Variants in CPM observed in about 807,000 individuals in gnomAD.
The protein encoded by CPM is renal carboxypeptidase.
A neutral mutation model predicts 46.4 loss-of-function variants in CPM; 35 were observed. The observed-to-expected ratio is 0.75, with a 90% CI of 0.58 to 1.00. The LOEUF (loss-of-function observed/expected upper bound fraction) is 1.00, where lower values mean the gene tolerates loss of function less well. Among genes scored for constraint, CPM ranks in the 50% least tolerant of loss-of-function variants. CPM has a pLI of 0.00. For synonymous variants in CPM, 195 were observed against 195.3 expected (o/e 1.00, Z 0.01); for missense variants, 422 against 530.4 (o/e 0.80, Z 2.01).
downstream of CPM, chr12:68,847,528 A>C (rs1469830396): frequency 1.6e-5 from 2 of 128,702 alleles, no homozygotes; most frequent in African/African-American, 6.4e-5. Flanking sequence ...ATCTCGGCTC[A>C]CTGCAAGCTC....
In CPM at chr12:68,941,781, C is replaced by G. The variant is rs542267944; in HGVS notation, c.-3-8941G>C. Among the ~76,000 whole-genome samples, 128 of 152,300 alleles carry G rather than the reference C, an allele frequency of 8.4e-4. 1 individual carries two copies. Among genetic ancestry groups the G allele is most frequent in the African/African-American group, 3.0e-3 (124 of 41,568 alleles). On this transcript the variant is annotated intron_variant, in intron 1 of 8. Transcript: ENST00000546373. Reference sequence around the variant, plus strand: ...AAGCTGGGATCTCCTGGTACCTCCCCCAGTACTAAACCTACCTCCTTCAAA... The same window carrying G: ...AAGCTGGGATCTCCTGGTACCTCCCGCAGTACTAAACCTACCTCCTTCAAA...
intron 2 of CPM, among the ~76,000 whole-genome samples, chr12:68,898,558 C>T (rs1314911002): frequency 1.3e-5 from 2 of 152,186 alleles, no homozygotes; most frequent in Non-Finnish European, 1.5e-5. Context: ...CTACTTCTCA[C>T]TAGTATCACT....
chr12:68,855,737 G>GTTTGT lies in CPM; in HGVS notation c.*699_*700insACAAA, dbSNP rs1336573913. On this transcript the variant is annotated 3_prime_UTR_variant, in exon 9 of 9. Coordinates refer to ENST00000551568, the MANE Select transcript of CPM (RefSeq NM_198320.5). Reference sequence around the variant, plus strand: ...GGTGAGGTGTTTTTTTTGTTTGTTTGTTTTTGTTTTTTTTTTTTTGAGACA... The same window carrying GTTTGT: ...GGTGAGGTGTTTTTTTTGTTTGTTTGTTTGTTTTTTGTTTTTTTTTTTTTGAGACA... The GTTTGT allele has an allele frequency of 8.4e-5, 12 of 142,050 alleles. No individual in the cohort carries two copies. Among genetic ancestry groups the GTTTGT allele is most frequent in the African/African-American group, 3.5e-4 (12 of 33,928 alleles). 8.8% of individuals were successfully genotyped at this position (142,050 alleles called of 1,614,324 possible). A position where few individuals can be genotyped will look rare whatever the true frequency, so the allele number is the denominator to read the frequency against.
intron 2 of CPM, among the ~76,000 whole-genome samples, chr12:68,929,024 A>G (rs1350131182): frequency 6.6e-6 from 1 of 152,006 alleles, no homozygotes; most frequent in African/African-American, 2.4e-5. Flanking sequence ...AGATTCTTAA[A>G]ATAGATGGTA....
rs1377838311 is a variant in CPM at position 68,932,682 on chromosome 12, C to G, written c.156G>C (p.Val52=). ...TGTTCACGAGACGGACCCTACCTTT[C>G]ACAGATTTCCCAATACTGTGTAAGT... ...VTHLHSIGKS[V]KGRNLWVLVV... is the part of the protein sequence containing the mutation. The change falls in exon 2 of 9, where the codon GTG becomes GTC. Residue 52 remains valine (V), a synonymous_variant. Transcript: ENST00000551568. 3.1e-6 allele frequency: 5 copies of G among 1,614,012 alleles called. No homozygotes were observed. Among genetic ancestry groups the G allele is most frequent in the Non-Finnish European group, 4.2e-6 (5 of 1,179,898 alleles).
At chr12:68,875,832 T>G (rs576051688) in intron 3 of CPM, among the ~76,000 whole-genome samples, 1 of 151,434 alleles carries the variant, frequency 6.6e-6, no homozygotes, top group East Asian at 1.9e-4. Flanking sequence ...AAGACAAATG[T>G]GATAATCAAT....
intron 7 of CPM, among the ~76,000 whole-genome samples, chr12:68,861,819 C>T (rs959438813): frequency 1.0e-4 from 15 of 149,706 alleles, no homozygotes; most frequent in Admixed American, 6.1e-4. Flanking sequence ...TGAGCCATCG[C>T]GCCCGGCTAA....
chr12:68,933,380 G>T (rs1888600484), upstream of CPM, among the ~76,000 whole-genome samples: 2 of 152,092 alleles, frequency 1.3e-5, no homozygotes, highest in African/African-American at 4.8e-5. Flanking sequence ...GGGCGGCTGA[G>T]CTGGGCGGAG....
In CPM at chr12:68,870,395, T is replaced by C. The variant is rs1276252170; in HGVS notation, c.436A>G (p.Asn146Asp). ...PDCYYSIGRE[N>D]YNQYDLNRNF... ...CGATTCAAGTCATACTGGTTATAATTTTCCCTTTAAAAGAAAGAATATTTT... is the reference window on the plus strand; with the variant it reads ...CGATTCAAGTCATACTGGTTATAATCTTCCCTTTAAAAGAAAGAATATTTT... Residue 146 changes from asparagine to aspartate, a missense_variant, in exon 5 of 9, where the codon AAT becomes GAT. Transcript: ENST00000551568. 14 of 1,613,434 alleles carry C rather than the reference T, an allele frequency of 8.7e-6. No individual in the cohort carries two copies. The highest frequency in any genetic ancestry group is 4.5e-5 in the East Asian group (2 of 44,880).
chr12:68,858,763 C>T (rs1327567914), intron 8 of CPM, among the ~76,000 whole-genome samples, 160 bp downstream of exon 8: 1 of 149,504 alleles, frequency 6.7e-6, no homozygotes, highest in African/African-American at 2.5e-5. Flanking sequence ...ATTTCCACCT[C>T]TTCCACCTCC....
chr12:68,869,344 G>A lies in CPM; in HGVS notation c.768C>T (p.Tyr256=). The A allele has an allele frequency of 6.2e-7, 1 of 1,613,582 alleles. No homozygotes were observed. The highest frequency in any genetic ancestry group is 8.5e-7 in the Non-Finnish European group (1 of 1,179,854). The change falls in exon 6 of 9, where the codon TAC becomes TAT. Residue 256 remains tyrosine (Y), a synonymous_variant. Coordinates refer to ENST00000551568, the MANE Select transcript of CPM (RefSeq NM_198320.5). ...ACTCACCTTGGAGTGGATACCAAGA[G>A]TATCCATTTGTAACACCATTAGGAA... ...MNFPNGVTNG[Y]SWYPLQGGMQ... is the part of the protein sequence containing the mutation.
rs191360225 is a variant in CPM, at chr12:68,881,519, A to C, written c.258+4273T>G. On this transcript the variant is annotated intron_variant, in intron 3 of 8. Transcript: ENST00000551568. Reference sequence around the variant, plus strand: ...TGGGGGATAAGATAAAGATAGGATAAAGATTTATTGGTACAAAAAGGTAGC... The same window carrying C: ...TGGGGGATAAGATAAAGATAGGATACAGATTTATTGGTACAAAAAGGTAGC... Among the ~76,000 whole-genome samples the C allele has an allele frequency of 2.5e-3, 382 of 152,316 alleles. 4 individuals are homozygous for C. The highest frequency in any genetic ancestry group is 8.8e-3 in the African/African-American group (365 of 41,568).
intron 1 of CPM, among the ~76,000 whole-genome samples, chr12:68,953,768 T>C (rs1374618943): frequency 6.6e-6 from 1 of 152,228 alleles, no homozygotes; most frequent in African/African-American, 2.4e-5. Context: ...ATCTGCTCAA[T>C]AAAAATATTC....
chr12:68,865,935 G>T (rs184767770), intron 7 of CPM, among the ~76,000 whole-genome samples: 1 of 152,140 alleles, frequency 6.6e-6, no homozygotes, highest in African/African-American at 2.4e-5. Flanking sequence ...CCGGGTTGGG[G>T]CCTGGCAATC....
intron 3 of CPM, among the ~76,000 whole-genome samples, chr12:68,884,971 T>C (rs758213456): frequency 8.6e-5 from 13 of 151,976 alleles, no homozygotes; most frequent in Non-Finnish European, 1.9e-4. Context: ...TTAGATGGAG[T>C]CTCACTGTGT....
At chr12:68,864,740 G>A (rs980656668) in intron 7 of CPM, among the ~76,000 whole-genome samples, 5 of 152,186 alleles carry the variant, frequency 3.3e-5, no homozygotes, top group Non-Finnish European at 7.3e-5. Flanking sequence ...AGCCAGTCAC[G>A]GTGGCTCACA....
rs566373856 is a variant in CPM, at chr12:68,842,490, C to T, written c.534-161G>A. ...ACTTATTTTTTATATAAGGTCACTCCGATGAAAGGTGATTACAAAATCATC... is the reference window on the plus strand; with the variant it reads ...ACTTATTTTTTATATAAGGTCACTCTGATGAAAGGTGATTACAAAATCATC... On this transcript the variant is annotated intron_variant, in intron 5 of 5. Coordinates refer to the CPM transcript ENST00000551897. The T allele has an allele frequency of 1.0e-3, 386 of 386,530 alleles. 4 individuals carry two copies. Among genetic ancestry groups the T allele is most frequent in the South Asian group, 7.8e-3 (359 of 45,936 alleles). 23.9% of individuals were successfully genotyped at this position (386,530 alleles called of 1,614,324 possible).
chr12:68,933,623 G>C (rs886456966), upstream of CPM, among the ~76,000 whole-genome samples: 4 of 152,062 alleles, frequency 2.6e-5, no homozygotes, highest in Admixed American at 1.3e-4. Context: ...AGTCCTGAGT[G>C]CCCTGAGCCC....
At chr12:68,945,719 C>CAG (rs1888835146) in intron 1 of CPM, among the ~76,000 whole-genome samples, 2 of 152,072 alleles carry the variant, frequency 1.3e-5, no homozygotes, top group South Asian at 4.1e-4. Flanking sequence ...GGAGTCCTTG[C>CAG]AGAACTGATC....
Sources: gnomAD v4.1 joint callset for allele counts (sites outside exome capture counted in the v4.1 genomes callset) on GRCh38, gnomAD v4.1.1 for gene constraint, MANE v1.5 for transcripts, NCBI Gene and HGNC (gene_info 2026-07-23, HGNC 2026-07-21) for gene names.